Variants in CRKL observed in about 807,000 individuals in gnomAD.
CRKL encodes CRK like proto-oncogene, adaptor protein, also known as crk-like protein.
Under a neutral mutation model 23.0 loss-of-function variants are expected in CRKL, and 3 were observed. The ratio of observed to expected loss-of-function variants is 0.13; its 90% CI spans 0.06 to 0.34. The LOEUF (loss-of-function observed/expected upper bound fraction) is 0.34. Ranked by LOEUF, CRKL falls within the 10% of genes least tolerant of loss-of-function variation. CRKL has a pLI of 1.00. For synonymous variants in CRKL, 188 were observed against 160.7 expected (o/e 1.17, Z -1.28); for missense variants, 256 against 394.5 (o/e 0.65, Z 2.97).
intron 1 of CRKL, among the ~76,000 whole-genome samples, chr22:20,931,610 T>G (rs1425201116): frequency 6.6e-6 from 1 of 152,076 alleles, no homozygotes; most frequent in African/African-American, 2.4e-5. Context: ...AGAACCAGAC[T>G]CCCTGAGTGC....
rs2147918823 is a variant in CRKL at position 20,949,938 on chromosome 22, C to G, written c.*93C>G. ...CATTTTCTCTCATAGGCAAGTCACA[C>G]TGCATTGCCGAAGTCCAGCTTTCTG... On this transcript the variant is annotated 3_prime_UTR_variant, in exon 3 of 3. Transcript: ENST00000354336. 1 of 1,481,986 alleles carries G rather than the reference C, an allele frequency of 6.7e-7. No individual in the cohort carries two copies. The highest frequency in any genetic ancestry group is 1.4e-5 in the South Asian group (1 of 72,130). 91.8% of individuals were successfully genotyped at this position (1,481,986 alleles called of 1,614,324 possible).
chr22:20,925,283 T>C (rs1921158386), intron 1 of CRKL, among the ~76,000 whole-genome samples: 1 of 151,536 alleles, frequency 6.6e-6, no homozygotes, highest in Admixed American at 6.6e-5. Context: ...AATTGTGACC[T>C]AAATTTTTCC....
chr22:20,947,497 G>A (rs975464047), intron 2 of CRKL, among the ~76,000 whole-genome samples: 6 of 151,600 alleles, frequency 4.0e-5, no homozygotes, highest in East Asian at 1.9e-4. Context: ...CTGCCACCAC[G>A]CCTGGTGATT....
chr22:20,947,005 T>C (rs757081249), intron 2 of CRKL, among the ~76,000 whole-genome samples: 15 of 152,094 alleles, frequency 9.9e-5, no homozygotes, highest in Non-Finnish European at 1.5e-4. Flanking sequence ...GCATGAAGAA[T>C]GATGATGGTG....
rs1922253551 is a variant in CRKL at position 20,950,974 on chromosome 22, G to A, written c.*1129G>A. ...CCCTTGGATTACTTTGTTTTAAAAA[G>A]CATCAGAGTTGGGGGTACTTTAGGG... On this transcript the variant is annotated 3_prime_UTR_variant, in exon 3 of 3. Transcript: ENST00000354336. 1 of 232,600 alleles carries A rather than the reference G, an allele frequency of 4.3e-6. No homozygotes were observed. Among genetic ancestry groups the A allele is most frequent in the Non-Finnish European group, 8.5e-6 (1 of 117,670 alleles). 14.4% of individuals were successfully genotyped at this position (232,600 alleles called of 1,614,324 possible). A position where few individuals can be genotyped will look rare whatever the true frequency, so the allele number is the denominator to read the frequency against.
rs114946552 is a variant in CRKL, at chr22:20,952,862, G to A, written c.*3017G>A. The A allele has an allele frequency of 4.9e-3, 1,141 of 231,538 alleles. 10 individuals are homozygous for A. The highest frequency in any genetic ancestry group is 0.024 in the African/African-American group (1,076 of 45,354). 14.3% of individuals were successfully genotyped at this position (231,538 alleles called of 1,614,324 possible). A position where few individuals can be genotyped will look rare whatever the true frequency, so the allele number is the denominator to read the frequency against. ...GGAACCACCTGATGACATGGTTAAC[G>A]AGGAAGACGATGTGTTGACCGGCTG... On this transcript the variant is annotated 3_prime_UTR_variant, in exon 3 of 3. Transcript: ENST00000354336.
At chr22:20,926,564 C>T (rs975249286) in intron 1 of CRKL, among the ~76,000 whole-genome samples, 1 of 151,968 alleles carries the variant, frequency 6.6e-6, no homozygotes. Context: ...CTGCTGGAAG[C>T]CAGGTGGTAT....
intron 1 of CRKL, among the ~76,000 whole-genome samples, chr22:20,931,612 C>T (rs1009513301): frequency 6.6e-6 from 1 of 151,974 alleles, no homozygotes; most frequent in Admixed American, 6.6e-5. Flanking sequence ...AACCAGACTC[C>T]CTGAGTGCAA....
At chr22:20,946,464 G>A (rs1334481542) in intron 2 of CRKL, among the ~76,000 whole-genome samples, 1 of 152,180 alleles carries the variant, frequency 6.6e-6, no homozygotes, top group East Asian at 1.9e-4. Context: ...CAAAGATAGT[G>A]TTTTGACAGT....
chr22:20,922,040 G>A (rs1462118442), intron 1 of CRKL, among the ~76,000 whole-genome samples: 1 of 110,466 alleles, frequency 9.1e-6, no homozygotes, highest in South Asian at 3.1e-4. Context: ...GGTAGATGAC[G>A]TCTCACTCTG....
At chr22:20,918,348 C>T in intron 1 of CRKL, 103 bp downstream of exon 1, 14 of 1,264,820 alleles carry the variant, frequency 1.1e-5, no homozygotes, top group Non-Finnish European at 1.5e-5. Context: ...ATATTCCCCG[C>T]ATTCTGAACC....
intron 2 of CRKL, among the ~76,000 whole-genome samples, chr22:20,947,791 G>A (rs929358751): frequency 1.4e-5 from 2 of 141,458 alleles, no homozygotes; most frequent in Admixed American, 7.5e-5. Context: ...GCGCTTAAAC[G>A]ATCTTCGCAC....
At position 20,934,120 on chromosome 22, in the gene CRKL, C is replaced by T. The variant is rs762375550; in HGVS notation, c.653C>T (p.Ala218Val). 6.2e-7 allele frequency: 1 copy of T among 1,614,220 alleles called. No homozygotes were observed. The highest frequency in any genetic ancestry group is 8.5e-7 in the Non-Finnish European group (1 of 1,180,040). The change falls in exon 2 of 3, where the codon GCA becomes GTA. Residue 218 changes from alanine (A) to valine (V), a missense_variant. Physicochemically the swap from Ala to Val is moderately conservative, Grantham distance 64. Transcript: ENST00000354336. The stretch of plus-strand genomic sequence containing the variant: ...CCTCAGACCACAACTCCTCTACCTG[C>T]AGTTTCCGGTTCTCCTGGGGCAGCA... ...AQPQTTTPLP[A>V]VSGSPGAAIT...
chr22:20,944,655 G>A (rs543834140), intron 2 of CRKL, among the ~76,000 whole-genome samples: 19 of 150,962 alleles, frequency 1.3e-4, no homozygotes, highest in Non-Finnish European at 2.4e-4. Flanking sequence ...CACCTGCCTC[G>A]GCCTCCCAAA....
intron 2 of CRKL, among the ~76,000 whole-genome samples, chr22:20,947,414 C>T (rs1343775868): frequency 6.6e-6 from 1 of 150,926 alleles, no homozygotes; most frequent in African/African-American, 2.4e-5. Flanking sequence ...CTCACTGCAA[C>T]CTCCACCTCC....
intron 2 of CRKL, among the ~76,000 whole-genome samples, chr22:20,945,252 C>G (rs1009252140): frequency 2.6e-5 from 4 of 152,136 alleles, no homozygotes; most frequent in African/African-American, 9.7e-5. Flanking sequence ...CTCGGCCTCC[C>G]AAAGTGCTGG....
At chr22:20,946,594 G>A (rs900403035) in intron 2 of CRKL, among the ~76,000 whole-genome samples, 1 of 151,976 alleles carries the variant, frequency 6.6e-6, no homozygotes, top group Non-Finnish European at 1.5e-5. Flanking sequence ...GGTGTAGTTT[G>A]CCCCGTGAAC....
intron 2 of CRKL, among the ~76,000 whole-genome samples, chr22:20,946,731 A>AC (rs1468700834): frequency 2.1e-5 from 2 of 96,888 alleles, no homozygotes; most frequent in Admixed American, 1.2e-4. Context: ...TCCAAAAAAA[A>AC]AAAACAGATT....
rs758615647 is a variant in CRKL, at chr22:20,949,895, T to A, written c.*50T>A. 6.4e-7 allele frequency: 1 copy of A among 1,557,288 alleles called. No homozygotes were observed. The highest frequency in any genetic ancestry group is 2.3e-5 in the East Asian group (1 of 43,378). ...CTTTGTTGTTCTGCCTGTCCTAGTC[T>A]CCTTTGAAGTGGGAAAGCATTTTCT... On this transcript the variant is annotated 3_prime_UTR_variant, in exon 3 of 3. Coordinates refer to ENST00000354336, the MANE Select transcript of CRKL (RefSeq NM_005207.4).
Sources: gnomAD v4.1 joint callset for allele counts (sites outside exome capture counted in the v4.1 genomes callset) on GRCh38, gnomAD v4.1.1 for gene constraint, MANE v1.5 for transcripts, NCBI Gene and HGNC (gene_info 2026-07-23, HGNC 2026-07-21) for gene names.